Variants in MDN1 observed in about 807,000 individuals in gnomAD.
MDN1 encodes midasin AAA ATPase 1, also known as midasin.
Under a neutral mutation model 669.2 loss-of-function variants are expected in MDN1, and 266 were observed. The ratio of observed to expected loss-of-function variants is 0.40; its 90% CI spans 0.36 to 0.44. MDN1 has a LOEUF of 0.44. MDN1 is among the 20% of genes least tolerant of loss of function. The probability of loss-of-function intolerance (pLI) is 1.00; values close to 1 mark genes in which losing one functional copy is unlikely to be tolerated. For missense variants in MDN1, 5,940 were observed against 6,754.0 expected (o/e 0.88, Z 4.22); for synonymous variants, 2,385 against 2,457.1 (o/e 0.97, Z 0.87).
At chr6:89,813,924 TAA>T (rs61034558) in intron 1 of MDN1, among the ~76,000 whole-genome samples, 110 of 135,478 alleles carry the variant, frequency 8.1e-4, no homozygotes, top group Non-Finnish European at 8.8e-4. Context: ...ACCTAAGATT[TAA>T]AAAAAAAAAA....
chr6:89,668,672 A>G (rs1479431744), intron 83 of MDN1, among the ~76,000 whole-genome samples: 1 of 152,266 alleles, frequency 6.6e-6, no homozygotes, highest in East Asian at 1.9e-4. Flanking sequence ...CTATGAAGAT[A>G]TATCTGAGGA....
At chr6:89,677,878 A>G (rs1408865246) in intron 75 of MDN1, among the ~76,000 whole-genome samples, 182 bp from the exon 76 acceptor site, 1 of 152,218 alleles carries the variant, frequency 6.6e-6, no homozygotes, top group African/African-American at 2.4e-5. Context: ...CACTTCCACA[A>G]GATTCCCCAG....
chr6:89,784,559 C>T (rs1818855982), intron 9 of MDN1, among the ~76,000 whole-genome samples: 1 of 152,058 alleles, frequency 6.6e-6, no homozygotes, highest in South Asian at 2.1e-4. Flanking sequence ...TCTAGGATAA[C>T]CACAATACTA....
At chr6:89,784,079 C>T (rs909449997) in intron 9 of MDN1, among the ~76,000 whole-genome samples, 2 of 151,892 alleles carry the variant, frequency 1.3e-5, no homozygotes, top group African/African-American at 4.8e-5. Context: ...TTTAGGAGGC[C>T]AAGGCAGGCA....
chr6:89,703,713 C>T (rs1813325559), intron 53 of MDN1, among the ~76,000 whole-genome samples: 1 of 151,980 alleles, frequency 6.6e-6, no homozygotes, highest in South Asian at 2.1e-4. Flanking sequence ...CCTGTCACTT[C>T]AAGAAAAACA....
chr6:89,710,558 TATC>T, intron 50 of MDN1, 120 bp downstream of exon 50: 2 of 485,920 alleles, frequency 4.1e-6, no homozygotes, highest in Non-Finnish European at 7.2e-6. Flanking sequence ...TGCTTCTGCA[TATC>T]ATGAGTCTTC....
Position 89,794,069 on chromosome 6 carries a change from T to C in MDN1, c.662+31A>G, listed in dbSNP as rs763643109. The C allele has an allele frequency of 4.1e-6, 6 of 1,455,050 alleles. No homozygotes were observed. In the East Asian group the frequency reaches 9.1e-5, roughly 22 times the overall value. The allele number at this position is 1,455,050 out of a possible 1,614,324, so 90.1% of individuals were successfully genotyped here. ...AAAGAAAAAAAAAAAAGAAATGCTA[T>C]AGCAAGACCTCCACGAAGGTTCCTG... On this transcript the variant is annotated intron_variant, in intron 4 of 101. Transcript: ENST00000369393.
At chr6:89,818,564 C>A (rs1323494677) in intron 1 of MDN1, among the ~76,000 whole-genome samples, 1 of 152,180 alleles carries the variant, frequency 6.6e-6, no homozygotes, top group East Asian at 1.9e-4. Flanking sequence ...GTAATCCCAG[C>A]ACTTTGGGAG....
intron 56 of MDN1, 121 bp downstream of exon 56, chr6:89,700,525 T>C: frequency 1.1e-6 from 1 of 900,830 alleles, no homozygotes; most frequent in Non-Finnish European, 1.7e-6. Context: ...TATATAAAGG[T>C]ATATAAACTC....
intron 20 of MDN1, 77 bp from the exon 21 acceptor site, chr6:89,754,307 A>T: frequency 6.9e-7 from 1 of 1,448,048 alleles, no homozygotes; most frequent in Non-Finnish European, 9.3e-7. Flanking sequence ...CAGAAAACCC[A>T]AAGGACATTT....
intron 67 of MDN1, 108 bp from the exon 68 acceptor site, chr6:89,687,546 A>T (rs1812100431): frequency 1.2e-6 from 1 of 826,136 alleles, no homozygotes; most frequent in Non-Finnish European, 1.9e-6. Flanking sequence ...CTGGGCCCTT[A>T]AACAACTTGC....
Position 89,794,699 on chromosome 6 carries a change from C to A in MDN1, c.432G>T (p.Lys144Asn). ...NPVRYGRRRM[K>N]LRDLMEAAFK... ...AGGCTGCTTCCATTAGGTCCCGGAG[C>A]TTCATCCTCCTACGTCCATAGCGTA... The change falls in exon 3 of 102, where the codon AAG becomes AAT. Residue 144 changes from lysine (K) to asparagine (N), a missense_variant. Lys to Asn is a moderately conservative substitution (Grantham distance 94). Around this residue, in one of 5 missense-constraint regions of MDN1, gnomAD observed 1,203 missense variants for 1,268.9 expected, o/e 0.95. Transcript: ENST00000369393. The A allele has an allele frequency of 3.7e-6, 6 of 1,614,204 alleles. No homozygotes were observed. Among genetic ancestry groups the A allele is most frequent in the Non-Finnish European group, 5.1e-6 (6 of 1,180,040 alleles).
At chr6:89,788,491 T>C (rs1819084914) in intron 7 of MDN1, among the ~76,000 whole-genome samples, 1 of 152,138 alleles carries the variant, frequency 6.6e-6, no homozygotes, top group Non-Finnish European at 1.5e-5. Context: ...AAAAAACTGA[T>C]AAACCTAAAA....
intron 1 of MDN1, chr6:89,815,094 A>G: frequency 2.3e-6 from 1 of 439,164 alleles, no homozygotes. Flanking sequence ...CTGAGCCAGA[A>G]GAGGATTCAG....
chr6:89,730,902 C>G lies in MDN1; in HGVS notation c.4964G>C (p.Gly1655Ala). The G allele has an allele frequency of 1.2e-6, 2 of 1,613,908 alleles. No individual in the cohort carries two copies. Among genetic ancestry groups the G allele is most frequent in the South Asian group, 2.2e-5 (2 of 91,058 alleles). The change falls in exon 35 of 102, where the codon GGT becomes GCT. Residue 1655 changes from glycine (G) to alanine (A), a missense_variant. Gly to Ala is a moderately conservative substitution (Grantham distance 60). This residue lies in a region of MDN1 where 2,292 missense variants were observed against 2,638.3 expected (regional missense o/e 0.87). Coordinates refer to ENST00000369393, the MANE Select transcript of MDN1 (RefSeq NM_014611.3). ...IGSGVTSSGF[G>A]TALLARKECL... The stretch of plus-strand genomic sequence containing the variant: ...TTCTTTTCGTGCCAAAAGGGCTGTA[C>G]CAAACCCAGAGGAAGTTACCCCTAA...
intron 45 of MDN1, 120 bp downstream of exon 45, chr6:89,715,533 T>C (rs1160827233): frequency 8.6e-6 from 6 of 700,988 alleles, no homozygotes; most frequent in Non-Finnish European, 1.5e-5. Context: ...AATTAATAAA[T>C]GGGTGAACTT....
intron 1 of MDN1, among the ~76,000 whole-genome samples, chr6:89,817,582 T>C (rs553236210): frequency 1.5e-4 from 23 of 152,254 alleles, no homozygotes; most frequent in African/African-American, 4.6e-4. Context: ...GAGCAGGGCA[T>C]AGAAGAGAGA....
chr6:89,729,677 G>GTTTT lies in MDN1; in HGVS notation c.5141-542_5141-539dup, dbSNP rs35914010. 1.7e-3 allele frequency among the ~76,000 whole-genome samples: 176 copies of GTTTT among 100,754 alleles called. 1 individual carries two copies. The highest frequency in any genetic ancestry group is 2.2e-3 in the Non-Finnish European group (115 of 51,446). 66.1% of individuals were successfully genotyped at this position (100,754 alleles called of 152,430 possible). A position where few individuals can be genotyped will look rare whatever the true frequency, so the allele number is the denominator to read the frequency against. The stretch of plus-strand genomic sequence containing the variant: ...TGGAAGAAGTTTTTGTTTTGTTTTC[G>GTTTT]TTTTTTTTTTTTTTTTTTTTTGTAC... On this transcript the variant is annotated intron_variant, in intron 35 of 101. Transcript: ENST00000369393.
chr6:89,794,447 A>G (rs560986471), intron 3 of MDN1, 130 bp downstream of exon 3: 2 of 894,440 alleles, frequency 2.2e-6, no homozygotes, highest in Non-Finnish European at 3.4e-6. Flanking sequence ...AGGAAGTAAA[A>G]CCCCAAAAGC....
Sources: gnomAD v4.1 joint callset for allele counts (sites outside exome capture counted in the v4.1 genomes callset) on GRCh38, gnomAD v4.1.1 for gene constraint, gnomAD v4.1.1 regional missense constraint, MANE v1.5 for transcripts, NCBI Gene and HGNC (gene_info 2026-07-23, HGNC 2026-07-21) for gene names.